Variants in CDH13 observed in about 807,000 individuals in gnomAD.
The protein encoded by CDH13 is cadherin 13.
Under a neutral mutation model 63.8 loss-of-function variants are expected in CDH13, and 24 were observed. The ratio of observed to expected loss-of-function variants is 0.38; its 90% CI spans 0.27 to 0.53. The LOEUF is 0.53. Among genes scored for constraint, CDH13 ranks in the 20% least tolerant of loss-of-function variants. CDH13 has a pLI of 0.85. For missense variants in CDH13, 1,049 were observed against 903.1 expected (o/e 1.16, Z -2.07); for synonymous variants, 503 against 355.3 (o/e 1.42, Z -4.67).
chr16:83,725,255 C>A (rs543206572), intron 10 of CDH13, among the ~76,000 whole-genome samples: 1 of 152,244 alleles, frequency 6.6e-6, no homozygotes, highest in Admixed American at 6.5e-5. Context: ...GCATGGTGGC[C>A]AAGAGAGCTA....
intron 7 of CDH13, among the ~76,000 whole-genome samples, chr16:83,550,518 G>C (rs984991910): frequency 6.6e-6 from 1 of 152,224 alleles, no homozygotes; most frequent in Non-Finnish European, 1.5e-5. Flanking sequence ...CAGTTAATCC[G>C]ATGGCAAATT....
At chr16:83,580,551 G>C (rs1208488676) in intron 7 of CDH13, among the ~76,000 whole-genome samples, 1 of 145,110 alleles carries the variant, frequency 6.9e-6, no homozygotes, top group Non-Finnish European at 1.5e-5. Context: ...CTATAGTGCA[G>C]TGGTATGATC....
chr16:83,114,700 C>A (rs889231849), intron 3 of CDH13, among the ~76,000 whole-genome samples: 1 of 152,176 alleles, frequency 6.6e-6, no homozygotes, highest in Non-Finnish European at 1.5e-5. Flanking sequence ...GCCTCTCCAA[C>A]CTTTTAAATT....
At chr16:83,629,566 A>G (rs933510381) in intron 8 of CDH13, among the ~76,000 whole-genome samples, 1 of 152,224 alleles carries the variant, frequency 6.6e-6, no homozygotes, top group Admixed American at 6.5e-5. Context: ...CTGCCAAGCC[A>G]TCATCTAAAT....
chr16:82,675,662 A>T (rs958133634), intron 1 of CDH13, among the ~76,000 whole-genome samples: 4 of 152,206 alleles, frequency 2.6e-5, no homozygotes, highest in African/African-American at 7.2e-5. Flanking sequence ...TGCTGGACTC[A>T]CGTTCCTGCT....
chr16:82,956,333 T>A (rs909953771), intron 2 of CDH13, among the ~76,000 whole-genome samples: 1 of 151,834 alleles, frequency 6.6e-6, no homozygotes, highest in Non-Finnish European at 1.5e-5. Context: ...GCCTGCAACC[T>A]TTTATTCCTA....
At chr16:82,878,971 T>C (rs1431027871) in intron 2 of CDH13, among the ~76,000 whole-genome samples, 16 of 152,146 alleles carry the variant, frequency 1.1e-4, no homozygotes, top group Admixed American at 1.0e-3. Flanking sequence ...TGAGTTTCCC[T>C]GTTTGCTGAT....
chr16:83,076,078 C>T (rs2032812592), intron 3 of CDH13, among the ~76,000 whole-genome samples: 1 of 152,072 alleles, frequency 6.6e-6, no homozygotes, highest in African/African-American at 2.4e-5. Context: ...TGATTCCAGA[C>T]ATCCTGCCTG....
At chr16:82,990,660 C>G (rs779772362) in intron 2 of CDH13, among the ~76,000 whole-genome samples, 1 of 151,906 alleles carries the variant, frequency 6.6e-6, no homozygotes, top group Non-Finnish European at 1.5e-5. Context: ...GATTCTCCCA[C>G]CTCAGCCTCC....
intron 4 of CDH13, among the ~76,000 whole-genome samples, chr16:83,186,227 C>T (rs996768181): frequency 6.6e-6 from 1 of 151,866 alleles, no homozygotes; most frequent in African/African-American, 2.4e-5. Context: ...CAACCTCCGC[C>T]TCCTGGGTTC....
chr16:82,924,784 A>C (rs1198208151), intron 2 of CDH13, among the ~76,000 whole-genome samples: 1 of 152,172 alleles, frequency 6.6e-6, no homozygotes, highest in Non-Finnish European at 1.5e-5. Flanking sequence ...TGTGAAGTGA[A>C]AGCTTTGAGC....
At chr16:83,730,831 T>C (rs905351862) in intron 10 of CDH13, among the ~76,000 whole-genome samples, 5 of 152,186 alleles carry the variant, frequency 3.3e-5, no homozygotes, top group African/African-American at 1.2e-4. Context: ...CCCCTTCTAG[T>C]AGTCCCCAAT....
chr16:82,768,816 C>T (rs1211656075), intron 1 of CDH13, among the ~76,000 whole-genome samples: 2 of 152,218 alleles, frequency 1.3e-5, no homozygotes, highest in African/African-American at 4.8e-5. Flanking sequence ...AATACTTACT[C>T]TGATTCAGCC....
At chr16:82,677,327 T>G (rs1914044619) in intron 1 of CDH13, among the ~76,000 whole-genome samples, 1 of 152,226 alleles carries the variant, frequency 6.6e-6, no homozygotes, top group African/African-American at 2.4e-5. Context: ...CCTCTTCTGT[T>G]TTATACCTCT....
intron 1 of CDH13, among the ~76,000 whole-genome samples, chr16:82,704,500 C>T (rs2031318422): frequency 6.6e-6 from 1 of 152,178 alleles, no homozygotes; most frequent in South Asian, 2.1e-4. Flanking sequence ...TTTACTCCTC[C>T]ACATCTCAAG....
In CDH13 at chr16:83,447,061, A is replaced by C. The variant is rs1271671998; in HGVS notation, c.782-39416A>C. ...CCACTGGTCACCCGTCTTAAAAAAA[A>C]AAAAAAAAAAAAACAAAAAACACCT... On this transcript the variant is annotated intron_variant, in intron 6 of 13. Coordinates refer to ENST00000567109, the MANE Select transcript of CDH13 (RefSeq NM_001257.5). 2.8e-3 allele frequency among the ~76,000 whole-genome samples: 392 copies of C among 141,860 alleles called. 4 individuals are homozygous for C. Among genetic ancestry groups the C allele is most frequent in the African/African-American group, 0.01 (387 of 38,316 alleles). 93.1% of individuals were successfully genotyped at this position (141,860 alleles called of 152,430 possible).
At chr16:83,024,531 G>C (rs563855721) in intron 2 of CDH13, among the ~76,000 whole-genome samples, 3 of 152,120 alleles carry the variant, frequency 2.0e-5, no homozygotes, top group African/African-American at 7.2e-5. Flanking sequence ...CCCGAGTTTG[G>C]ATTTGACCTC....
chr16:83,748,283 C>A (rs746713257), intron 11 of CDH13, 33 bp downstream of exon 11: 2 of 1,555,748 alleles, frequency 1.3e-6, no homozygotes, highest in East Asian at 2.3e-5. Flanking sequence ...CAAGGGTATA[C>A]TTTTCTGCTA....
At chr16:82,967,852 A>T (rs535285030) in intron 2 of CDH13, among the ~76,000 whole-genome samples, 1 of 152,206 alleles carries the variant, frequency 6.6e-6, no homozygotes, top group South Asian at 2.1e-4. Flanking sequence ...TATAAACTTA[A>T]TTTTTCCTCC....
Sources: gnomAD v4.1 joint callset for allele counts (sites outside exome capture counted in the v4.1 genomes callset) on GRCh38, gnomAD v4.1.1 for gene constraint, MANE v1.5 for transcripts, NCBI Gene and HGNC (gene_info 2026-07-23, HGNC 2026-07-21) for gene names.